The following NDUFB2 variants were observed in gnomAD, a reference collection of about 807,000 sequenced individuals.
The protein encoded by NDUFB2 is NADH:ubiquinone oxidoreductase subunit B2.
NDUFB2 carries 13 observed loss-of-function variants against 13.4 expected under a neutral mutation model. The observed-to-expected ratio is 0.97, with a 90% CI of 0.63 to 1.54. NDUFB2 has a LOEUF of 1.54. NDUFB2 is among the 40% of genes most tolerant of loss of function. The pLI is 0.00. For synonymous variants in NDUFB2, 47 were observed against 50.6 expected (o/e 0.93, Z 0.30); for missense variants, 150 against 139.7 (o/e 1.07, Z -0.37).
At chr7:140,698,457 T>C (rs1173337412) in intron 1 of NDUFB2, among the ~76,000 whole-genome samples, 2 of 152,108 alleles carry the variant, frequency 1.3e-5, no homozygotes, top group African/African-American at 4.8e-5. Context: ...TTTTGAGTAC[T>C]GTTAAGGGTT....
intron 2 of NDUFB2, among the ~76,000 whole-genome samples, chr7:140,703,747 G>A (rs762649839): frequency 2.6e-5 from 4 of 151,834 alleles, no homozygotes; most frequent in African/African-American, 4.8e-5. Flanking sequence ...TAGTTTTAGT[G>A]ATTTTCTATT....
At chr7:140,696,901 T>A in intron 1 of NDUFB2, 59 bp downstream of exon 1, 1 of 1,485,644 alleles carries the variant, frequency 6.7e-7, no homozygotes, top group Non-Finnish European at 9.2e-7. Context: ...CGCGGGTCCC[T>A]GGGACGCTCT....
intron 1 of NDUFB2, 49 bp downstream of exon 1, chr7:140,696,891 C>G: frequency 6.5e-7 from 1 of 1,527,042 alleles, no homozygotes; most frequent in Non-Finnish European, 8.9e-7. Flanking sequence ...TAGCGGACAG[C>G]GCGGGTCCCT....
intron 3 of NDUFB2, chr7:140,705,621 TAAAAA>T (rs946281990): frequency 6.6e-6 from 1 of 151,904 alleles, no homozygotes; most frequent in Non-Finnish European, 1.5e-5. Context: ...CATTGTATAA[TAAAAA>T]AAAATTTTTT....
intron 1 of NDUFB2, 28 bp downstream of exon 1, chr7:140,696,870 T>TA: frequency 6.4e-7 from 1 of 1,574,466 alleles, no homozygotes; most frequent in Non-Finnish European, 8.6e-7. Context: ...GATGGGGGCC[T>TA]CGCCGGCCTG....
At chr7:140,697,037 C>G (rs978843313) in intron 1 of NDUFB2, 195 bp downstream of exon 1, 25 of 609,634 alleles carry the variant, frequency 4.1e-5, no homozygotes, top group Middle Eastern at 4.4e-4. Context: ...GGAGAGACTT[C>G]GCTGGGCAGA....
chr7:140,701,931 C>T (rs967548418), intron 1 of NDUFB2: 25 of 618,138 alleles, frequency 4.0e-5, no homozygotes, highest in Middle Eastern at 5.0e-4. Context: ...GTGAGACTCT[C>T]GCAAACAAAC....
intron 3 of NDUFB2, 126 bp downstream of exon 3, chr7:140,705,089 G>A (rs2130802932): frequency 4.4e-6 from 2 of 454,522 alleles, no homozygotes; most frequent in East Asian, 7.3e-5. Context: ...AGTTAACCAT[G>A]TCCTGTATCT....
Position 140,697,247 on chromosome 7 carries a change from A to C in NDUFB2, c.98+405A>C, listed in dbSNP as rs528695214. 3.2e-5 allele frequency: 22 copies of C among 693,942 alleles called. No individual in the cohort carries two copies. In the African/African-American group the frequency reaches 3.8e-4, roughly 12 times the overall value. The allele number at this position is 693,942 out of a possible 1,614,324, so 43.0% of individuals were successfully genotyped here. A position where few individuals can be genotyped will look rare whatever the true frequency, so the allele number is the denominator to read the frequency against. ...GTGAGGCCTAGGGAGGGCGCGGTCC[A>C]GGGTCCCGGTGCCTGGCTGCGGAAT... On this transcript the variant is annotated intron_variant, in intron 1 of 3. Coordinates refer to ENST00000247866, the MANE Select transcript of NDUFB2 (RefSeq NM_004546.3).
chr7:140,703,037 GT>G, intron 2 of NDUFB2, 27 bp downstream of exon 2: 2 of 1,596,026 alleles, frequency 1.3e-6, no homozygotes, highest in East Asian at 2.3e-5. Flanking sequence ...AGCACTTGTC[GT>G]TTTTTGGGTG....
At chr7:140,704,013 C>T (rs1277878725) in intron 2 of NDUFB2, among the ~76,000 whole-genome samples, 2 of 152,136 alleles carry the variant, frequency 1.3e-5, no homozygotes, top group African/African-American at 4.8e-5. Flanking sequence ...CCTTGGCCTC[C>T]CAAAGTGCTG....
At chr7:140,697,931 C>A in intron 1 of NDUFB2, 2 of 1,200,552 alleles carry the variant, frequency 1.7e-6, no homozygotes, top group Non-Finnish European at 2.2e-6. Context: ...AACTCCTGGG[C>A]TCAAGTGATT....
intron 1 of NDUFB2, 47 bp downstream of exon 1, chr7:140,696,889 A>AGCGC (rs754788224): frequency 1.2e-4 from 182 of 1,531,528 alleles, no homozygotes; most frequent in Non-Finnish European, 1.6e-4. Flanking sequence ...TGTAGCGGAC[A>AGCGC]GCGCGGGTCC....
chr7:140,702,396 A>G (rs868830219), intron 1 of NDUFB2: 2 of 254,472 alleles, frequency 7.9e-6, no homozygotes, highest in Admixed American at 5.1e-5. Flanking sequence ...CAGAGCCATT[A>G]GCATATTTAA....
chr7:140,697,134 G>A (rs949016352), intron 1 of NDUFB2: 2 of 592,064 alleles, frequency 3.4e-6, no homozygotes, highest in Non-Finnish European at 3.0e-6. Context: ...GGCTGAGCCA[G>A]TCGGCGCCGG....
At chr7:140,700,531 A>G (rs973486800) in intron 1 of NDUFB2, among the ~76,000 whole-genome samples, 6 of 151,694 alleles carry the variant, frequency 4.0e-5, no homozygotes, top group African/African-American at 1.5e-4. Flanking sequence ...GCTCACGCCT[A>G]TAATCCCAGC....
chr7:140,697,352 G>C (rs779621001), intron 1 of NDUFB2: 439 of 702,964 alleles, frequency 6.2e-4, no homozygotes, highest in Non-Finnish European at 9.4e-4. Flanking sequence ...CACTCTGGCT[G>C]CAGGGAGTGG....
rs140813237 is a variant in NDUFB2 at position 140,698,151 on chromosome 7, T to C, written c.98+1309T>C. On this transcript the variant is annotated intron_variant, in intron 1 of 3. Transcript: ENST00000247866. ...ATGAAGAATCTGGAGCTGGGGCAGG[T>C]GTGGGGTGGGCAGAAGGCAAAGCCC... 8.3e-5 allele frequency: 112 copies of C among 1,351,730 alleles called. 1 individual carries two copies. The African/African-American group carries it at 1.6e-3, about 19-fold the overall frequency. 83.7% of individuals were successfully genotyped at this position (1,351,730 alleles called of 1,614,324 possible). A position where few individuals can be genotyped will look rare whatever the true frequency, so the allele number is the denominator to read the frequency against.
At chr7:140,702,277 T>A (rs1794908772) in intron 1 of NDUFB2, among the ~76,000 whole-genome samples, 1 of 152,208 alleles carries the variant, frequency 6.6e-6, no homozygotes, top group African/African-American at 2.4e-5. Context: ...TCCAACTGAA[T>A]AAATTGACTA....
Sources: allele counts gnomAD v4.1 joint callset (sites outside exome capture counted in the v4.1 genomes callset), GRCh38; gene constraint gnomAD v4.1.1; transcripts MANE v1.5; gene names NCBI Gene and HGNC (gene_info 2026-07-23, HGNC 2026-07-21).